Variants in GMDS observed in about 807,000 individuals in gnomAD.
GMDS encodes the protein GDP-mannose 4,6-dehydratase.
In GMDS, 20 loss-of-function variants were observed where a neutral mutation model predicts 49.9. The observed-to-expected ratio is 0.40, with a 90% CI of 0.28 to 0.58. GMDS has a LOEUF of 0.58. Ranked by LOEUF, GMDS falls within the 20% of genes least tolerant of loss-of-function variation. The probability of loss-of-function intolerance (pLI) is 0.42; values close to 1 mark genes in which losing one functional copy is unlikely to be tolerated. For synonymous variants in GMDS, 177 were observed against 178.6 expected (o/e 0.99, Z 0.07); for missense variants, 362 against 481.4 (o/e 0.75, Z 2.32).
At chr6:1,808,568 A>C (rs1487618559) in intron 7 of GMDS, among the ~76,000 whole-genome samples, 1 of 152,184 alleles carries the variant, frequency 6.6e-6, no homozygotes, top group Non-Finnish European at 1.5e-5. Flanking sequence ...CGGCTTCCTG[A>C]CAGTGTTTCA....
intron 9 of GMDS, among the ~76,000 whole-genome samples, chr6:1,676,828 C>T (rs1481561823): frequency 1.3e-5 from 2 of 152,138 alleles, no homozygotes; most frequent in East Asian, 1.9e-4. Flanking sequence ...CCATAAAAAC[C>T]CTAGAAGAAA....
At chr6:2,189,697 C>T (rs17134759) in intron 1 of GMDS, among the ~76,000 whole-genome samples, 3,089 of 152,316 alleles carry the variant, frequency 0.02, 120 homozygotes, top group African/African-American at 0.072. Context: ...AACTAGTACA[C>T]TGCTCTGGAG....
chr6:1,694,837 A>G (rs999938651), intron 9 of GMDS, among the ~76,000 whole-genome samples: 9 of 152,226 alleles, frequency 5.9e-5, no homozygotes, highest in Non-Finnish European at 1.2e-4. Context: ...CACCTGTCCA[A>G]ATGAAAAGTA....
chr6:1,976,905 C>A (rs2127336925), intron 4 of GMDS, among the ~76,000 whole-genome samples: 1 of 152,260 alleles, frequency 6.6e-6, no homozygotes, highest in East Asian at 1.9e-4. Context: ...ATCTTATTTT[C>A]TTTTGAATAT....
At chr6:1,796,968 A>G (rs1439650016) in intron 7 of GMDS, among the ~76,000 whole-genome samples, 2 of 152,230 alleles carry the variant, frequency 1.3e-5, no homozygotes, top group African/African-American at 4.8e-5. Context: ...TATATGCCCA[A>G]CAAATGATCC....
rs917930043 is a variant in GMDS at position 1,778,603 on chromosome 6, G to C, written c.772-36017C>G. On this transcript the variant is annotated intron_variant, in intron 7 of 10. Coordinates refer to ENST00000380815, the MANE Select transcript of GMDS (RefSeq NM_001500.4). This position sits in a 1 kb window ranked among gnomAD's most constrained non-coding sequence, Gnocchi z 4.6. ...CCCAATGTCTCGAACTGCAGGATTAGAGTAACATTAGTTAACGTGGCCCTC... is the reference window on the plus strand; with the variant it reads ...CCCAATGTCTCGAACTGCAGGATTACAGTAACATTAGTTAACGTGGCCCTC... Among the ~76,000 whole-genome samples the C allele has an allele frequency of 4.6e-5, 7 of 152,208 alleles. No individual in the cohort carries two copies. Among genetic ancestry groups the C allele is most frequent in the African/African-American group, 1.4e-4 (6 of 41,464 alleles).
At chr6:2,162,399 T>A (rs919366963) in intron 1 of GMDS, among the ~76,000 whole-genome samples, 1 of 152,124 alleles carries the variant, frequency 6.6e-6, no homozygotes, top group Admixed American at 6.5e-5. Context: ...AGACTGTGGC[T>A]TTCTGTGGCT....
At chr6:1,882,383 A>G (rs1759403469) in intron 7 of GMDS, among the ~76,000 whole-genome samples, 1 of 152,258 alleles carries the variant, frequency 6.6e-6, no homozygotes, top group South Asian at 2.1e-4. Flanking sequence ...ACAAGGATAT[A>G]TGCGTGTGTG....
chr6:1,645,831 G>A (rs1274264704), intron 9 of GMDS, among the ~76,000 whole-genome samples: 1 of 152,126 alleles, frequency 6.6e-6, no homozygotes, highest in Non-Finnish European at 1.5e-5. Flanking sequence ...ATGCAACTTC[G>A]CTTCTCTCTA....
intron 7 of GMDS, among the ~76,000 whole-genome samples, chr6:1,744,760 C>T (rs918982489): frequency 4.6e-5 from 7 of 152,232 alleles, no homozygotes; most frequent in African/African-American, 9.6e-5. Flanking sequence ...GAAATTCCCG[C>T]GGCCTGGAAC....
At chr6:1,904,365 C>G (rs948959379) in intron 7 of GMDS, among the ~76,000 whole-genome samples, 1 of 152,154 alleles carries the variant, frequency 6.6e-6, no homozygotes, top group South Asian at 2.1e-4. Flanking sequence ...GGGGGCTGCT[C>G]TGTGTGGCCG....
intron 4 of GMDS, among the ~76,000 whole-genome samples, chr6:2,108,277 C>T (rs1010367078): frequency 1.3e-5 from 2 of 152,074 alleles, no homozygotes; most frequent in South Asian, 2.1e-4. Context: ...ATTCTAACAA[C>T]GTCTTCATTA....
At chr6:2,130,587 T>C (rs1232621842) in intron 1 of GMDS, among the ~76,000 whole-genome samples, 1 of 152,178 alleles carries the variant, frequency 6.6e-6, no homozygotes, top group Admixed American at 6.5e-5. Context: ...TACCTTCTAG[T>C]ATTGGGTGAT....
At chr6:1,767,709 A>C (rs1382746725) in intron 7 of GMDS, among the ~76,000 whole-genome samples, 2 of 152,160 alleles carry the variant, frequency 1.3e-5, no homozygotes, top group Non-Finnish European at 2.9e-5. Context: ...GGAATGTTTA[A>C]TTCTCCTCAT....
chr6:2,075,455 T>A (rs571241680), intron 4 of GMDS, among the ~76,000 whole-genome samples: 6 of 152,322 alleles, frequency 3.9e-5, no homozygotes, highest in African/African-American at 1.4e-4. Context: ...CCTCTTCCTG[T>A]GTCCAAGTGT....
chr6:2,202,556 G>C (rs897787631), intron 1 of GMDS, among the ~76,000 whole-genome samples: 2 of 152,052 alleles, frequency 1.3e-5, no homozygotes, highest in South Asian at 2.1e-4. Context: ...TGCAGAGGAG[G>C]GGACAGGCTG....
At chr6:2,201,390 A>T (rs1254400272) in intron 1 of GMDS, among the ~76,000 whole-genome samples, 1 of 110,108 alleles carries the variant, frequency 9.1e-6, no homozygotes, top group Admixed American at 8.9e-5. Context: ...ATCTGAGATG[A>T]AACCATCTAG....
intron 4 of GMDS, among the ~76,000 whole-genome samples, chr6:2,033,983 ATAG>A (rs1247192368): frequency 6.6e-6 from 1 of 152,228 alleles, no homozygotes; most frequent in African/African-American, 2.4e-5. Context: ...TAAAACTTTC[ATAG>A]TCATTGTTAT....
intron 7 of GMDS, among the ~76,000 whole-genome samples, chr6:1,917,830 T>A (rs574264616): frequency 6.6e-6 from 1 of 152,162 alleles, no homozygotes; most frequent in Non-Finnish European, 1.5e-5. Context: ...ACCCACAGAC[T>A]ATCGCTCTGC....
Sources: allele counts gnomAD v4.1 joint callset (sites outside exome capture counted in the v4.1 genomes callset), GRCh38; gene constraint gnomAD v4.1.1; non-coding constraint Gnocchi (gnomAD v3.1); transcripts MANE v1.5; gene names NCBI Gene and HGNC (gene_info 2026-07-23, HGNC 2026-07-21).